SLC30A6: variants seen among roughly 807,000 people sequenced by gnomAD.
SLC30A6 encodes solute carrier family 30 member 6, also known as zinc transporter 6.
Under a neutral mutation model 63.0 loss-of-function variants are expected in SLC30A6, and 55 were observed. The ratio of observed to expected loss-of-function variants is 0.87; its 90% CI spans 0.70 to 1.09. The LOEUF (loss-of-function observed/expected upper bound fraction) is 1.09, where lower values mean the gene tolerates loss of function less well. Among genes scored for constraint, SLC30A6 ranks in the 50% least tolerant of loss-of-function variants. The pLI is 0.00. For synonymous variants in SLC30A6, 224 were observed against 186.1 expected (o/e 1.20, Z -1.66); for missense variants, 587 against 549.2 (o/e 1.07, Z -0.69).
chr2:32,199,107 A>G (rs1684044621), intron 10 of SLC30A6, among the ~76,000 whole-genome samples: 1 of 152,204 alleles, frequency 6.6e-6, no homozygotes, highest in African/African-American at 2.4e-5. Context: ...GTGTCTGCTT[A>G]TTTCACTTAG....
In SLC30A6 at chr2:32,188,670, C is replaced by T. The variant is rs535486200; in HGVS notation, c.285-3666C>T. ...GATTGTGCCACTGTACTCCATCCTCCGTCTCAAAAAATAAAAAATAAAAAG... is the reference window on the plus strand; with the variant it reads ...GATTGTGCCACTGTACTCCATCCTCTGTCTCAAAAAATAAAAAATAAAAAG... On this transcript the variant is annotated intron_variant, in intron 5 of 13. Coordinates refer to ENST00000282587, the MANE Select transcript of SLC30A6 (RefSeq NM_017964.5). Among the ~76,000 whole-genome samples, 9 of 151,806 alleles carry T rather than the reference C, an allele frequency of 5.9e-5. No homozygotes were observed. In the South Asian group the frequency reaches 6.2e-4, roughly 10 times the overall value.
chr2:32,171,981 A>G (rs1158136753), intron 2 of SLC30A6, among the ~76,000 whole-genome samples: 2 of 152,214 alleles, frequency 1.3e-5, no homozygotes, highest in African/African-American at 4.8e-5. Context: ...GGCGTGAACC[A>G]CCGTGCCTGG....
At chr2:32,203,059 G>A in intron 10 of SLC30A6, 1 of 1,284,768 alleles carries the variant, frequency 7.8e-7, no homozygotes, top group Non-Finnish European at 1.1e-6. Flanking sequence ...TGTTTACATG[G>A]GGACATTGCA....
chr2:32,194,040 G>T, intron 8 of SLC30A6, 57 bp downstream of exon 8: 1 of 1,427,238 alleles, frequency 7.0e-7, no homozygotes, highest in Non-Finnish European at 9.7e-7. Context: ...ATAAAAACAA[G>T]CCTTTTGTTT....
intron 12 of SLC30A6, among the ~76,000 whole-genome samples, chr2:32,207,665 C>T (rs1320981274): frequency 7.5e-6 from 1 of 133,644 alleles, no homozygotes; most frequent in Non-Finnish European, 1.6e-5. Context: ...ATGTCCACAG[C>T]GCCTGGCCCG....
chr2:32,187,693 A>T (rs1682957348), intron 5 of SLC30A6, among the ~76,000 whole-genome samples: 1 of 152,142 alleles, frequency 6.6e-6, no homozygotes, highest in Non-Finnish European at 1.5e-5. Context: ...TTAGGAAAAA[A>T]TTCTTGGTTT....
chr2:32,220,337 T>C lies in SLC30A6; in HGVS notation c.1010T>C (p.Ile337Thr). The C allele has an allele frequency of 1.2e-6, 2 of 1,614,206 alleles. No individual in the cohort carries two copies. The highest frequency in any genetic ancestry group is 1.7e-6 in the Non-Finnish European group (2 of 1,180,036). Residue 337 changes from isoleucine to threonine, a missense_variant, in exon 14 of 14, where the codon ATT becomes ACT. Ile to Thr is a moderately conservative substitution (Grantham distance 89, BLOSUM62 -1). Coordinates refer to ENST00000282587, the MANE Select transcript of SLC30A6 (RefSeq NM_017964.5). The stretch of plus-strand genomic sequence containing the variant: ...GTTCAAATTTTCAAGGATGACTGGA[T>C]TAGGCCTGCCTTATTGTCTGGGCCT... ...LTVQIFKDDW[I>T]RPALLSGPVA... is the part of the protein sequence containing the mutation.
At chr2:32,197,682 A>C in intron 9 of SLC30A6, 25 bp from the exon 10 acceptor site, 1 of 1,613,042 alleles carries the variant, frequency 6.2e-7, no homozygotes, top group South Asian at 1.1e-5. Flanking sequence ...GCTAATGGAT[A>C]CTCTTTCTGT....
intron 13 of SLC30A6, among the ~76,000 whole-genome samples, chr2:32,216,624 ATC>A (rs1170839284): frequency 3.9e-5 from 6 of 151,968 alleles, no homozygotes; most frequent in Non-Finnish European, 7.4e-5. Flanking sequence ...GTAGGATGGT[ATC>A]TCATTGTGGT....
Position 32,220,232 on chromosome 2 carries a change from G to A in SLC30A6, c.905G>A (p.Arg302Lys), listed in dbSNP as rs1686049420. The change falls in exon 14 of 14, where the codon AGA (arginine) becomes AAA (lysine). Residue 302 changes from arginine (R) to lysine (K), a missense_variant. By Grantham distance (26) the Arg-to-Lys change is conservative. Transcript: ENST00000282587. Reference sequence around the variant, plus strand: ...TTTTAGGCTGGATCAGTGCATGTAAGAATTCGACGAGATGCCAATGAACAA... The same window carrying A: ...TTTTAGGCTGGATCAGTGCATGTAAAAATTCGACGAGATGCCAATGAACAA... ...FGSLAGSVHVRIRRDANEQMV... is the reference protein window; with the variant it reads ...FGSLAGSVHVKIRRDANEQMV... 6.2e-7 allele frequency: 1 copy of A among 1,613,764 alleles called. No homozygotes were observed. Among genetic ancestry groups the A allele is most frequent in the Admixed American group, 1.7e-5 (1 of 59,986 alleles).
At position 32,222,996 on chromosome 2, in the gene SLC30A6, C is replaced by A. The variant is rs3210627; in HGVS notation, c.*2283C>A. The A allele has an allele frequency of 6.6e-6, 1 of 152,230 alleles. No homozygotes were observed. The highest frequency in any genetic ancestry group is 1.5e-5 in the Non-Finnish European group (1 of 68,060). 9.4% of individuals were successfully genotyped at this position (152,230 alleles called of 1,614,324 possible). On this transcript the variant is annotated 3_prime_UTR_variant, in exon 14 of 14. Coordinates refer to ENST00000282587, the MANE Select transcript of SLC30A6 (RefSeq NM_017964.5). The stretch of plus-strand genomic sequence containing the variant: ...AGGCAACACCTGTGCATCTGTCCCA[C>A]CAAAGGTGCTTTAATACCTACCTTC...
At chr2:32,171,518 G>C (rs1681210770) in intron 2 of SLC30A6, 145 bp downstream of exon 2, 2 of 575,268 alleles carry the variant, frequency 3.5e-6, no homozygotes, top group South Asian at 5.7e-5. Flanking sequence ...TATTTTTTTA[G>C]TGTAAAATTG....
At chr2:32,194,938 A>G (rs1683647266) in intron 8 of SLC30A6, among the ~76,000 whole-genome samples, 1 of 152,168 alleles carries the variant, frequency 6.6e-6, no homozygotes, top group Non-Finnish European at 1.5e-5. Flanking sequence ...CCCTGTAAAG[A>G]TCAGGGAGAT....
At chr2:32,169,659 G>T (rs1048895266) in intron 1 of SLC30A6, among the ~76,000 whole-genome samples, 27 of 152,158 alleles carry the variant, frequency 1.8e-4, no homozygotes, top group African/African-American at 6.5e-4. Flanking sequence ...GGTACCTGTA[G>T]TCCCAGCTAC....
chr2:32,214,184 C>G (rs1558427195), intron 13 of SLC30A6, among the ~76,000 whole-genome samples: 1 of 152,098 alleles, frequency 6.6e-6, no homozygotes, highest in African/African-American at 2.4e-5. Context: ...ATCTGCCCGC[C>G]TCGGCCTCCC....
chr2:32,206,154 A>T (rs1684750245), intron 11 of SLC30A6, among the ~76,000 whole-genome samples: 1 of 151,994 alleles, frequency 6.6e-6, no homozygotes, highest in Admixed American at 6.6e-5. Context: ...ATGAATAGAA[A>T]GGCAGTTTCC....
chr2:32,170,499 A>G (rs1311715712), intron 1 of SLC30A6, among the ~76,000 whole-genome samples: 1 of 152,108 alleles, frequency 6.6e-6, no homozygotes, highest in African/African-American at 2.4e-5. Context: ...TCCCCAAACT[A>G]ACTATACACT....
chr2:32,186,773 G>A (rs931888804), intron 5 of SLC30A6, among the ~76,000 whole-genome samples: 9 of 151,742 alleles, frequency 5.9e-5, no homozygotes, highest in African/African-American at 1.5e-4. Context: ...CCAGGTGGTC[G>A]ATCACTTGAG....
rs576962658 is a variant in SLC30A6 at position 32,175,420 on chromosome 2, G to A, written c.218+59G>A. ...TAATAAGGAACTTGGTAGAAATGTG[G>A]TATAGCCATACAATTCAGCAATAAA... On this transcript the variant is annotated intron_variant, in intron 4 of 13. Transcript: ENST00000282587. 1.3e-5 allele frequency: 19 copies of A among 1,450,188 alleles called. No individual in the cohort carries two copies. The East Asian group carries it at 3.9e-4, about 30-fold the overall frequency. 89.8% of individuals were successfully genotyped at this position (1,450,188 alleles called of 1,614,324 possible).
Sources: allele counts gnomAD v4.1 joint callset (sites outside exome capture counted in the v4.1 genomes callset), GRCh38; gene constraint gnomAD v4.1.1; transcripts MANE v1.5; gene names NCBI Gene and HGNC (gene_info 2026-07-23, HGNC 2026-07-21).